FSTL4: variants seen among roughly 807,000 people sequenced by gnomAD.
FSTL4 encodes the protein follistatin-related protein 4.
Under a neutral mutation model 78.2 loss-of-function variants are expected in FSTL4, and 28 were observed. That is an observed-to-expected ratio of 0.36 (90% CI 0.27 to 0.49). The LOEUF is 0.49. Among genes scored for constraint, FSTL4 ranks in the 20% least tolerant of loss-of-function variants. FSTL4 has a pLI of 0.98. For missense variants in FSTL4, 922 were observed against 1,084.9 expected (o/e 0.85, Z 2.11); for synonymous variants, 422 against 440.5 (o/e 0.96, Z 0.53).
chr5:133,491,852 T>G (rs1424837044), intron 3 of FSTL4, among the ~76,000 whole-genome samples: 1 of 152,224 alleles, frequency 6.6e-6, no homozygotes. Flanking sequence ...AACAGATAAA[T>G]CCAATCCACT....
chr5:133,385,750 A>G (rs1314019915), intron 4 of FSTL4, among the ~76,000 whole-genome samples: 1 of 152,230 alleles, frequency 6.6e-6, no homozygotes, highest in Non-Finnish European at 1.5e-5. Context: ...GGCATAGTAG[A>G]AGGAACAAAA....
chr5:133,597,852 C>T lies in FSTL4; in HGVS notation c.126+6006G>A, dbSNP rs139686211. 5.3e-4 allele frequency among the ~76,000 whole-genome samples: 81 copies of T among 152,276 alleles called. 1 individual carries two copies. Among genetic ancestry groups the T allele is most frequent in the Middle Eastern group, 6.8e-3 (2 of 294 alleles). On this transcript the variant is annotated intron_variant, in intron 2 of 15. Coordinates refer to ENST00000265342, the MANE Select transcript of FSTL4 (RefSeq NM_015082.2). ...GGATAGGACACCAGAAGGGGAGCCA[C>T]GGTGGTAAGCAAGAAGTGAGTGCGC...
intron 3 of FSTL4, among the ~76,000 whole-genome samples, chr5:133,412,678 C>T (rs1756500726): frequency 6.6e-6 from 1 of 152,090 alleles, no homozygotes; most frequent in Non-Finnish European, 1.5e-5. Context: ...CCATGTGTCC[C>T]TCTCCAGTTC....
chr5:133,260,617 C>T lies in FSTL4; in HGVS notation c.728-11041G>A, dbSNP rs191858333. On this transcript the variant is annotated intron_variant, in intron 6 of 15. Transcript: ENST00000265342. ...TCTAAGCACGGCTCCCAGGGACCTC[C>T]GCCCTCCACCTCCTGGTCCAGGGGA... Among the ~76,000 whole-genome samples, 14 of 152,320 alleles carry T rather than the reference C, an allele frequency of 9.2e-5. No homozygotes were observed. The East Asian group carries it at 1.7e-3, about 19-fold the overall frequency.
chr5:133,775,801 G>A, the FSTL4 span, among the ~76,000 whole-genome samples: 1 of 152,152 alleles, frequency 6.6e-6, no homozygotes, highest in East Asian at 1.9e-4. Context: ...ATTTTGCACA[G>A]TGTGATGAAA....
intron 3 of FSTL4, among the ~76,000 whole-genome samples, chr5:133,437,255 T>G (rs992762991): frequency 3.9e-5 from 6 of 152,162 alleles, no homozygotes; most frequent in African/African-American, 1.4e-4. Context: ...AGTAGGCAGT[T>G]GGACATATTG....
At chr5:133,468,292 C>T (rs372937272) in intron 3 of FSTL4, among the ~76,000 whole-genome samples, 5 of 152,352 alleles carry the variant, frequency 3.3e-5, no homozygotes, top group African/African-American at 1.2e-4. Context: ...GGGCATCGCT[C>T]TCCTGGTTTG....
chr5:133,230,020 T>G (rs1751446963), intron 8 of FSTL4, among the ~76,000 whole-genome samples: 1 of 152,218 alleles, frequency 6.6e-6, no homozygotes, highest in Admixed American at 6.5e-5. Flanking sequence ...CAGGAAGTGC[T>G]TCCTGATGTC....
chr5:133,583,259 T>A lies in FSTL4; in HGVS notation c.127-16040A>T, dbSNP rs143060258. ...CCAACTTGGCTGCCAATGCTGGGAA[T>A]CTTACCTCCTCCTTAAGATCAAGGC... On this transcript the variant is annotated intron_variant, in intron 2 of 15. Coordinates refer to ENST00000265342, the MANE Select transcript of FSTL4 (RefSeq NM_015082.2). 4.8e-4 allele frequency: 218 copies of A among 455,868 alleles called. 1 individual carries two copies. The highest frequency in any genetic ancestry group is 4.1e-3 in the African/African-American group (207 of 50,166). 28.2% of individuals were successfully genotyped at this position (455,868 alleles called of 1,614,324 possible). A position where few individuals can be genotyped will look rare whatever the true frequency, so the allele number is the denominator to read the frequency against.
At chr5:133,325,921 C>T (rs1302858232) in intron 4 of FSTL4, among the ~76,000 whole-genome samples, 2 of 152,192 alleles carry the variant, frequency 1.3e-5, no homozygotes, top group African/African-American at 4.8e-5. Context: ...CATGTGCTGC[C>T]CCAGCAAAGC....
chr5:133,750,642 A>G, the FSTL4 span, among the ~76,000 whole-genome samples: 2 of 152,158 alleles, frequency 1.3e-5, no homozygotes, highest in African/African-American at 4.8e-5. Context: ...GCCCACCTCC[A>G]GGGGCCCAAA....
intron 3 of FSTL4, among the ~76,000 whole-genome samples, chr5:133,509,518 A>G (rs996319725): frequency 1.3e-5 from 2 of 152,116 alleles, no homozygotes; most frequent in African/African-American, 2.4e-5. Context: ...AGCAAGCACC[A>G]ATTTATCCCA....
chr5:133,422,890 A>G (rs1459577091), intron 3 of FSTL4, among the ~76,000 whole-genome samples: 2 of 152,214 alleles, frequency 1.3e-5, no homozygotes, highest in African/African-American at 4.8e-5. Context: ...CGTTTATTTC[A>G]TTTTTCCTTT....
chr5:133,572,042 G>A lies in FSTL4; in HGVS notation c.127-4823C>T, dbSNP rs150803592. Among the ~76,000 whole-genome samples the A allele has an allele frequency of 4.9e-4, 74 of 152,180 alleles. 2 individuals are homozygous for A. The East Asian group carries it at 0.014, about 29-fold the overall frequency. ...GAAAGACATCAAGCCAGAAATTTGG[G>A]AATCTCCACAAGCCCCAAGCAAGAT... On this transcript the variant is annotated intron_variant, in intron 2 of 15. Coordinates refer to ENST00000265342, the MANE Select transcript of FSTL4 (RefSeq NM_015082.2).
chr5:133,502,223 C>T (rs1232755021), intron 3 of FSTL4, among the ~76,000 whole-genome samples: 2 of 152,164 alleles, frequency 1.3e-5, no homozygotes, highest in African/African-American at 4.8e-5. Flanking sequence ...GATGCAAAGA[C>T]AGAAAGGTTA....
intron 3 of FSTL4, among the ~76,000 whole-genome samples, chr5:133,524,260 C>T (rs1303897732): frequency 6.6e-6 from 1 of 152,084 alleles, no homozygotes; most frequent in African/African-American, 2.4e-5. Flanking sequence ...CCCTTGGAGG[C>T]CTGGGAAGAA....
At chr5:133,594,427 A>G (rs1416745305) in intron 2 of FSTL4, among the ~76,000 whole-genome samples, 2 of 152,230 alleles carry the variant, frequency 1.3e-5, no homozygotes, top group African/African-American at 4.8e-5. Context: ...TCCTGACCTC[A>G]GGTGATCTGA....
At chr5:133,577,770 G>A (rs537150954) in intron 2 of FSTL4, among the ~76,000 whole-genome samples, 1 of 152,272 alleles carries the variant, frequency 6.6e-6, no homozygotes, top group African/African-American at 2.4e-5. Context: ...GCTGGGCATG[G>A]TGGTGCCTAC....
intron 6 of FSTL4, among the ~76,000 whole-genome samples, chr5:133,284,615 C>G (rs890159953): frequency 1.3e-5 from 2 of 152,210 alleles, no homozygotes; most frequent in Admixed American, 1.3e-4. Flanking sequence ...TGGAACCACT[C>G]CTTGGACTCT....
Sources: gnomAD v4.1 joint callset for allele counts (sites outside exome capture counted in the v4.1 genomes callset) on GRCh38, gnomAD v4.1.1 for gene constraint, MANE v1.5 for transcripts, NCBI Gene and HGNC (gene_info 2026-07-23, HGNC 2026-07-21) for gene names.